Variants in CSMD1 observed in about 807,000 individuals in gnomAD.
CSMD1 encodes the protein CUB and Sushi multiple domains 1.
CSMD1 carries 213 observed loss-of-function variants against 417.5 expected under a neutral mutation model. That is an observed-to-expected ratio of 0.51 (90% CI 0.46 to 0.57). CSMD1 has a LOEUF of 0.57. Among genes scored for constraint, CSMD1 ranks in the 20% least tolerant of loss-of-function variants. CSMD1 has a pLI of 0.00. For synonymous variants in CSMD1, 2,862 were observed against 1,736.8 expected (o/e 1.65, Z -16.11); for missense variants, 6,923 against 4,529.7 (o/e 1.53, Z -15.17).
chr8:3,021,904 C>A (rs1350985252), intron 51 of CSMD1, among the ~76,000 whole-genome samples: 4 of 145,874 alleles, frequency 2.7e-5, no homozygotes, highest in Non-Finnish European at 6.0e-5. Context: ...TGCAATCCCA[C>A]AGCATCCAGA....
At chr8:3,398,408 C>T (rs1486857268) in intron 16 of CSMD1, among the ~76,000 whole-genome samples, 1 of 151,938 alleles carries the variant, frequency 6.6e-6, no homozygotes, top group African/African-American at 2.4e-5. Context: ...ATTATTTTGT[C>T]AGAAGCAAGT....
intron 5 of CSMD1, among the ~76,000 whole-genome samples, chr8:3,852,079 T>G (rs1803949163): frequency 6.6e-6 from 1 of 152,176 alleles, no homozygotes. Flanking sequence ...AGGAGATCTT[T>G]GCAGAAAAGG....
At chr8:4,172,203 A>G (rs1278586619) in intron 3 of CSMD1, among the ~76,000 whole-genome samples, 2 of 152,168 alleles carry the variant, frequency 1.3e-5, no homozygotes, top group Non-Finnish European at 2.9e-5. Context: ...TACGCCATCT[A>G]AAATAAAACA....
chr8:3,834,632 G>C (rs1047540676), intron 5 of CSMD1, among the ~76,000 whole-genome samples: 2 of 152,132 alleles, frequency 1.3e-5, no homozygotes, highest in Non-Finnish European at 2.9e-5. Context: ...AGTTCTTTGA[G>C]TCTTTTTAGT....
At chr8:4,951,632 T>A (rs1409710059) in intron 1 of CSMD1, among the ~76,000 whole-genome samples, 1 of 151,508 alleles carries the variant, frequency 6.6e-6, no homozygotes, top group African/African-American at 2.4e-5. Flanking sequence ...GTGAATGACT[T>A]CTGGGACTGT....
chr8:3,831,440 G>A (rs896032133), intron 5 of CSMD1, among the ~76,000 whole-genome samples: 3 of 152,048 alleles, frequency 2.0e-5, no homozygotes, highest in Non-Finnish European at 4.4e-5. Context: ...AATTCCATAA[G>A]GAAACATCCA....
intron 1 of CSMD1, among the ~76,000 whole-genome samples, chr8:4,807,790 G>C (rs549810477): frequency 1.3e-5 from 2 of 152,050 alleles, no homozygotes; most frequent in Non-Finnish European, 2.9e-5. Flanking sequence ...ATCTGACATA[G>C]AATAATGGAT....
chr8:3,420,713 G>GCAAAA (rs1393356525), intron 12 of CSMD1, among the ~76,000 whole-genome samples: 6 of 152,136 alleles, frequency 3.9e-5, no homozygotes, highest in Non-Finnish European at 8.8e-5. Flanking sequence ...TAATACCTTT[G>GCAAAA]TCACGCTTGC....
intron 5 of CSMD1, among the ~76,000 whole-genome samples, chr8:3,990,548 C>T (rs1031805412): frequency 6.6e-6 from 1 of 152,164 alleles, no homozygotes; most frequent in African/African-American, 2.4e-5. Flanking sequence ...ATAGCTACCA[C>T]CATTCAATAA....
chr8:3,997,603 C>G (rs1226672179), intron 5 of CSMD1, among the ~76,000 whole-genome samples: 1 of 152,152 alleles, frequency 6.6e-6, no homozygotes, highest in Non-Finnish European at 1.5e-5. Context: ...AGCTTCAGAC[C>G]AAACCCAAAA....
chr8:3,477,816 C>A (rs1817517688), intron 11 of CSMD1, among the ~76,000 whole-genome samples: 1 of 152,128 alleles, frequency 6.6e-6, no homozygotes. Context: ...ACCTACCCAG[C>A]ACCTAGCCGG....
At chr8:3,656,459 T>A (rs1442744634) in intron 7 of CSMD1, among the ~76,000 whole-genome samples, 1 of 152,168 alleles carries the variant, frequency 6.6e-6, no homozygotes, top group Non-Finnish European at 1.5e-5. Flanking sequence ...AAGATGGTGT[T>A]TGGTGGACAG....
intron 3 of CSMD1, among the ~76,000 whole-genome samples, chr8:4,033,299 G>C (rs11780297): frequency 1.3e-5 from 2 of 151,758 alleles, no homozygotes; most frequent in Admixed American, 1.3e-4. Context: ...AAAATTAGCC[G>C]GGCGTGGTGG....
At chr8:4,852,393 T>G (rs1411722932) in intron 1 of CSMD1, among the ~76,000 whole-genome samples, 1 of 152,096 alleles carries the variant, frequency 6.6e-6, no homozygotes, top group Non-Finnish European at 1.5e-5. Context: ...CTCCTCTCTC[T>G]CTCGTTCTCA....
chr8:4,498,701 A>T (rs1368644712), intron 2 of CSMD1, among the ~76,000 whole-genome samples: 1 of 152,172 alleles, frequency 6.6e-6, no homozygotes, highest in Non-Finnish European at 1.5e-5. Context: ...GTGGTTCCAG[A>T]CAGTTAGCTA....
rs141319356 is a variant in CSMD1, at chr8:4,028,923, G to C, written c.610+2982C>G. On this transcript the variant is annotated intron_variant, in intron 4 of 69. Transcript: ENST00000635120. ...AAGTATGCTCTTTTCTAAAGTCATT[G>C]GAACAGTAAAATAGTATTTTTGGAA... 5.1e-4 allele frequency among the ~76,000 whole-genome samples: 77 copies of C among 152,280 alleles called. No homozygotes were observed. The East Asian group carries it at 0.014, about 27-fold the overall frequency.
At chr8:3,316,693 G>T (rs1223185782) in intron 23 of CSMD1, among the ~76,000 whole-genome samples, 1 of 152,146 alleles carries the variant, frequency 6.6e-6, no homozygotes, top group African/African-American at 2.4e-5. Context: ...TGTGGCGGTT[G>T]TGATGGAGAC....
chr8:3,705,013 C>G (rs1213863413), intron 7 of CSMD1, among the ~76,000 whole-genome samples: 1 of 152,158 alleles, frequency 6.6e-6, no homozygotes, highest in African/African-American at 2.4e-5. Context: ...CTCGAATTCA[C>G]CAAAACCTTG....
chr8:4,073,520 T>C (rs1046035788), intron 3 of CSMD1, among the ~76,000 whole-genome samples: 4 of 152,190 alleles, frequency 2.6e-5, no homozygotes, highest in Non-Finnish European at 5.9e-5. Context: ...GGACCTGGGA[T>C]GTGTCTTAGT....
Sources: gnomAD v4.1 joint callset for allele counts (sites outside exome capture counted in the v4.1 genomes callset) on GRCh38, gnomAD v4.1.1 for gene constraint, MANE v1.5 for transcripts, NCBI Gene and HGNC (gene_info 2026-07-23, HGNC 2026-07-21) for gene names.